The following FBXO17 variants were observed in gnomAD, a reference collection of about 807,000 sequenced individuals.
The protein encoded by FBXO17 is F-box only protein 17.
In FBXO17, 43 loss-of-function variants were observed where a neutral mutation model predicts 34.1. The ratio of observed to expected loss-of-function variants is 1.26; its 90% CI spans 0.99 to 1.62. The LOEUF (loss-of-function observed/expected upper bound fraction) is 1.62. Among genes scored for constraint, FBXO17 ranks in the 40% most tolerant of loss-of-function variants. The pLI, the probability that FBXO17 is intolerant of heterozygous loss-of-function variation, is 0.00. For missense variants in FBXO17, 424 were observed against 386.7 expected, an observed-to-expected ratio of 1.10 and a Z score of -0.81; for synonymous variants, 169 against 166.0, an observed-to-expected ratio of 1.02 and a Z score of -0.14.
At chr19:38,958,881 C>G (rs893782957) in intron 1 of FBXO17, among the ~76,000 whole-genome samples, 1 of 152,078 alleles carries the variant, frequency 6.6e-6, no homozygotes, top group African/African-American at 2.4e-5. Flanking sequence ...AGGGACATTG[C>G]TAAGGGATTT....
At position 38,963,297 on chromosome 19, in the gene FBXO17, C is replaced by CT. The variant is rs1555752021; in HGVS notation, c.-18+12288dup. 8.8e-3 allele frequency among the ~76,000 whole-genome samples: 670 copies of CT among 75,896 alleles called. 4 individuals carry two copies. Among genetic ancestry groups the CT allele is most frequent in the African/African-American group, 0.031 (486 of 15,820 alleles). 49.8% of individuals were successfully genotyped at this position (75,896 alleles called of 152,430 possible). A position where few individuals can be genotyped will look rare whatever the true frequency, so the allele number is the denominator to read the frequency against. Reference sequence around the variant, plus strand: ...ATAATGTCCGTGTGATTCACTCATACTTTTTTTTTTTTTTTGAGGCAGGGT... The same window carrying CT: ...ATAATGTCCGTGTGATTCACTCATACTTTTTTTTTTTTTTTTGAGGCAGGGT... On this transcript the variant is annotated intron_variant, in intron 1 of 5. Transcript: ENST00000292852.
chr19:38,962,908 C>T (rs1975272602), intron 1 of FBXO17, among the ~76,000 whole-genome samples: 2 of 151,978 alleles, frequency 1.3e-5, no homozygotes, highest in South Asian at 4.1e-4. Context: ...GACGGGGTTT[C>T]ACCATGTTGG....
At chr19:38,944,244 T>A (rs1974937369) in intron 5 of FBXO17, among the ~76,000 whole-genome samples, 1 of 144,856 alleles carries the variant, frequency 6.9e-6, no homozygotes, top group Admixed American at 7.0e-5. Context: ...CAGTGAGACT[T>A]CTGATCTGAC....
intron 1 of FBXO17, among the ~76,000 whole-genome samples, chr19:38,963,365 G>A (rs1182982789): frequency 1.3e-5 from 2 of 151,272 alleles, no homozygotes; most frequent in African/African-American, 4.9e-5. Context: ...CGCCATCATA[G>A]CTCACTGCTG....
intron 1 of FBXO17, among the ~76,000 whole-genome samples, chr19:38,960,736 G>A (rs112391554): frequency 0.011 from 1,705 of 151,290 alleles, 16 homozygotes; most frequent in Non-Finnish European, 0.019. Context: ...TTGAACTCCT[G>A]ACCTCAGGTG....
chr19:38,956,842 T>C (rs544887830), intron 1 of FBXO17, among the ~76,000 whole-genome samples: 13 of 152,124 alleles, frequency 8.5e-5, no homozygotes, highest in South Asian at 2.1e-4. Flanking sequence ...ATCATGCCAC[T>C]GCACACAGCG....
chr19:38,975,012 C>CA lies in FBXO17; in HGVS notation c.-18+573dup, dbSNP rs547142659. On this transcript the variant is annotated intron_variant, in intron 1 of 5. Transcript: ENST00000292852. This position sits in a 1 kb window ranked among gnomAD's most constrained non-coding sequence, Gnocchi z 4.9. Reference sequence around the variant, plus strand: ...TAGACGCTGTCTAAAGTTGAAGAGGCAGTATACAGAGCTTTCGAACATATC... The same window carrying CA: ...TAGACGCTGTCTAAAGTTGAAGAGGCAAGTATACAGAGCTTTCGAACATATC... Among the ~76,000 whole-genome samples, 1 of 152,246 alleles carries CA rather than the reference C, an allele frequency of 6.6e-6. No individual in the cohort carries two copies. The highest frequency in any genetic ancestry group is 2.4e-5 in the African/African-American group (1 of 41,546).
intron 5 of FBXO17, among the ~76,000 whole-genome samples, chr19:38,943,994 T>G (rs1190178045): frequency 6.6e-6 from 1 of 152,216 alleles, no homozygotes; most frequent in East Asian, 1.9e-4. Context: ...GAAAAAACTC[T>G]GCATCCATGA....
At chr19:38,946,749 C>T in intron 3 of FBXO17, 182 bp from the exon 4 acceptor site, 1 of 830,690 alleles carries the variant, frequency 1.2e-6, no homozygotes, top group Middle Eastern at 2.8e-4. Flanking sequence ...CTTGGAGTCC[C>T]TTTGCCATTC....
At chr19:38,944,776 G>A in intron 5 of FBXO17, 193 bp downstream of exon 5, 1 of 718,502 alleles carries the variant, frequency 1.4e-6, no homozygotes, top group Non-Finnish European at 2.2e-6. Context: ...GAACATTAAG[G>A]GGTTTTGCTA....
intron 1 of FBXO17, among the ~76,000 whole-genome samples, chr19:38,957,557 G>A (rs1975184510): frequency 6.6e-6 from 1 of 152,118 alleles, no homozygotes; most frequent in Non-Finnish European, 1.5e-5. Context: ...TGTTGGCCAG[G>A]CTGGTCTTGA....
At position 38,948,592 on chromosome 19, in the gene FBXO17, G is replaced by A. The variant is rs1975022344; in HGVS notation, c.436C>T (p.Gln146Ter). Reference sequence around the variant, plus strand: ...TCGAAAGAGGTCACGAAGCAGGTCTGCGAAGGAGCCCCAGGCACCGGTGTT... The same window carrying A: ...TCGAAAGAGGTCACGAAGCAGGTCTACGAAGGAGCCCCAGGCACCGGTGTT... ...NLTPVPGAPS[Q>*]TCFVTSFEWC... The change falls in exon 3 of 6, where the codon CAG becomes TAG. Residue 146 changes from glutamine to a stop codon, truncating the protein, a stop_gained. Coordinates refer to ENST00000292852, the MANE Select transcript of FBXO17 (RefSeq NM_024907.7). LOFTEE classifies it high-confidence loss of function. The A allele has an allele frequency of 6.2e-7, 1 of 1,614,154 alleles. No homozygotes were observed. The highest frequency in any genetic ancestry group is 8.5e-7 in the Non-Finnish European group (1 of 1,179,990).
chr19:38,947,286 AAC>A (rs1333024776), intron 3 of FBXO17: 1 of 152,272 alleles, frequency 6.6e-6, no homozygotes, highest in Non-Finnish European at 1.5e-5. Context: ...AATGGAATAG[AAC>A]AAAGTGCCAG....
intron 1 of FBXO17, among the ~76,000 whole-genome samples, chr19:38,951,596 C>T (rs1393288990): frequency 6.6e-6 from 1 of 151,142 alleles, no homozygotes; most frequent in Non-Finnish European, 1.5e-5. Flanking sequence ...TGCTGGCTCT[C>T]CAAATAAACT....
chr19:38,957,954 A>C (rs958123111), intron 1 of FBXO17, among the ~76,000 whole-genome samples: 3 of 152,038 alleles, frequency 2.0e-5, no homozygotes, highest in Non-Finnish European at 4.4e-5. Context: ...AAATACAAAA[A>C]AATTAGTCAG....
At chr19:38,960,290 CCTTT>C (rs1280324729) in intron 1 of FBXO17, among the ~76,000 whole-genome samples, 13 of 7,426 alleles carry the variant, frequency 1.8e-3, no homozygotes, top group Admixed American at 0.01. Flanking sequence ...AGCCATTATT[CCTTT>C]TTTTTTTTTA....
rs1026848297 is a variant in FBXO17, at chr19:38,942,099, G to A, written c.*509C>T. On this transcript the variant is annotated 3_prime_UTR_variant, in exon 6 of 6. Coordinates refer to ENST00000292852, the MANE Select transcript of FBXO17 (RefSeq NM_024907.7). Reference sequence around the variant, plus strand: ...TGTCTCTTCCTGACACTCCCCTTCTGGGGGGCTGAGGAAGCTGTGAACAGC... The same window carrying A: ...TGTCTCTTCCTGACACTCCCCTTCTAGGGGGCTGAGGAAGCTGTGAACAGC... The A allele has an allele frequency of 6.6e-6, 1 of 151,848 alleles. No homozygotes were observed. The highest frequency in any genetic ancestry group is 1.5e-5 in the Non-Finnish European group (1 of 68,046). 9.4% of individuals were successfully genotyped at this position (151,848 alleles called of 1,614,324 possible).
chr19:38,965,698 G>A (rs1975310942), intron 1 of FBXO17, among the ~76,000 whole-genome samples: 1 of 152,110 alleles, frequency 6.6e-6, no homozygotes, highest in Non-Finnish European at 1.5e-5. Flanking sequence ...GTAGAGACGA[G>A]GTTTCGCCAT....
Position 38,942,692 on chromosome 19 carries a change from G to C in FBXO17, c.753C>G (p.Tyr251Ter). The change falls in exon 6 of 6, where the codon TAC becomes TAG. Residue 251 changes from tyrosine (Y) to a stop codon, truncating the protein, a stop_gained. Transcript: ENST00000292852. LOFTEE classifies it high-confidence loss of function. ...KGIRYVSFEQYGRDVSSWVGH... is the reference protein window; with the variant it reads ...KGIRYVSFEQ ...CCACCCAGGAACTCACGTCTCTCCC[G>C]TACTGCTCAAAAGATACGTAGCGGA... 2 of 1,605,794 alleles carry C rather than the reference G, an allele frequency of 1.2e-6. No individual in the cohort carries two copies. The highest frequency in any genetic ancestry group is 2.2e-5 in the South Asian group (2 of 89,642).
Sources: allele counts gnomAD v4.1 joint callset (sites outside exome capture counted in the v4.1 genomes callset), GRCh38; gene constraint gnomAD v4.1.1; non-coding constraint Gnocchi (gnomAD v3.1); transcripts MANE v1.5; gene names NCBI Gene and HGNC (gene_info 2026-07-23, HGNC 2026-07-21).